Variants in STAT5B observed in about 807,000 individuals in gnomAD.
STAT5B encodes signal transducer and activator of transcription 5B.
Under a neutral mutation model 107.8 loss-of-function variants are expected in STAT5B, and 21 were observed. That is an observed-to-expected ratio of 0.19 (90% confidence interval 0.14 to 0.28). The LOEUF (loss-of-function observed/expected upper bound fraction) is 0.28, where lower values mean the gene tolerates loss of function less well. Ranked by LOEUF, STAT5B falls within the 10% of genes least tolerant of loss-of-function variation. STAT5B has a pLI of 1.00. For missense variants in STAT5B, 565 were observed against 1,008.2 expected, an observed-to-expected ratio of 0.56 and a Z score of 5.95; for synonymous variants, 325 against 401.7, an observed-to-expected ratio of 0.81 and a Z score of 2.28.
At chr17:42,253,249 T>A (rs2080514692) in intron 1 of STAT5B, among the ~76,000 whole-genome samples, 1 of 152,228 alleles carries the variant, frequency 6.6e-6, no homozygotes, top group African/African-American at 2.4e-5. Flanking sequence ...CAAGATGTAT[T>A]TCCATGTAGC....
intron 1 of STAT5B, among the ~76,000 whole-genome samples, chr17:42,244,622 A>G (rs911295214): frequency 2.6e-5 from 4 of 152,168 alleles, no homozygotes; most frequent in Non-Finnish European, 5.9e-5. Flanking sequence ...CATGTTACCA[A>G]TATTTTCCCT....
At chr17:42,220,648 A>G (rs543813710) in intron 5 of STAT5B, among the ~76,000 whole-genome samples, 1,283 of 150,832 alleles carry the variant, frequency 8.5e-3, no homozygotes, top group African/African-American at 0.03. Flanking sequence ...GAGGGAGAGC[A>G]TGTCCAGGGC....
At chr17:42,228,201 G>C (rs2080289841) in intron 2 of STAT5B, among the ~76,000 whole-genome samples, 1 of 152,204 alleles carries the variant, frequency 6.6e-6, no homozygotes, top group Non-Finnish European at 1.5e-5. Flanking sequence ...CTGGAAATGA[G>C]ACATTCAGGC....
chr17:42,210,095 C>A, intron 15 of STAT5B, 76 bp downstream of exon 15: 1 of 1,601,018 alleles, frequency 6.2e-7, no homozygotes, highest in Non-Finnish European at 8.5e-7. Flanking sequence ...ATAGTAAGTA[C>A]CCACTAAATT....
intron 1 of STAT5B, among the ~76,000 whole-genome samples, chr17:42,264,159 T>C (rs2080645471): frequency 6.6e-6 from 1 of 152,128 alleles, no homozygotes; most frequent in African/African-American, 2.4e-5. Context: ...ATTTTTCCAA[T>C]TTATTGCTAT....
rs1027951268 is a variant in STAT5B at position 42,245,279 on chromosome 17, T to C, written c.-10-13142A>G. ...TTTTAGTAGAGACAGGGTTTCACCATGTTGGCCAAGATGGTCTCGACCTCA... is the reference window on the plus strand; with the variant it reads ...TTTTAGTAGAGACAGGGTTTCACCACGTTGGCCAAGATGGTCTCGACCTCA... On this transcript the variant is annotated intron_variant, in intron 1 of 18. Transcript: ENST00000293328. Among the ~76,000 whole-genome samples the C allele has an allele frequency of 3.3e-5, 5 of 151,962 alleles. No individual in the cohort carries two copies. The East Asian group carries it at 9.7e-4, about 30-fold the overall frequency.
At chr17:42,256,039 C>G (rs12600584) in intron 1 of STAT5B, among the ~76,000 whole-genome samples, 54,384 of 151,902 alleles carry the variant, frequency 0.36, 10,938 homozygotes, top group African/African-American at 0.54. Flanking sequence ...AATGAGCTAA[C>G]CTCCAGCCTG....
chr17:42,220,151 C>T (rs1051899115), intron 5 of STAT5B, among the ~76,000 whole-genome samples: 6 of 152,226 alleles, frequency 3.9e-5, no homozygotes, highest in African/African-American at 9.6e-5. Context: ...GCCCTCTTCT[C>T]GCGGCCCAGC....
intron 1 of STAT5B, chr17:42,269,687 G>A (rs1335941456): frequency 2.6e-5 from 4 of 152,140 alleles, no homozygotes; most frequent in African/African-American, 9.7e-5. Context: ...TTTATACTCT[G>A]CACAGGGAAT....
intron 16 of STAT5B, among the ~76,000 whole-genome samples, chr17:42,203,991 C>T (rs2080066835): frequency 6.6e-6 from 1 of 152,102 alleles, no homozygotes; most frequent in Non-Finnish European, 1.5e-5. Flanking sequence ...GGCCTAGGCA[C>T]TGGAGAGCCG....
rs2080037241 is a variant in STAT5B at position 42,200,747 on chromosome 17, C to G, written c.*991G>C. 1 of 235,434 alleles carries G rather than the reference C, an allele frequency of 4.2e-6. No homozygotes were observed. Among genetic ancestry groups the G allele is most frequent in the Non-Finnish European group, 8.1e-6 (1 of 123,038 alleles). The allele number at this position is 235,434 out of a possible 1,614,324, so 14.6% of individuals were successfully genotyped here. A position where few individuals can be genotyped will look rare whatever the true frequency, so the allele number is the denominator to read the frequency against. On this transcript the variant is annotated 3_prime_UTR_variant, in exon 19 of 19. Transcript: ENST00000293328. ...AAACAAAAAAGATCCAACTTAGAAA[C>G]AGAACCATGATTCAACATTTGCAAA...
intron 1 of STAT5B, among the ~76,000 whole-genome samples, chr17:42,265,786 A>G (rs1190934159): frequency 2.6e-5 from 4 of 152,152 alleles, no homozygotes; most frequent in African/African-American, 2.4e-5. Flanking sequence ...TTATTTTTCA[A>G]TATTTTTAGT....
chr17:42,271,565 A>G (rs915275447), intron 1 of STAT5B: 4 of 134,108 alleles, frequency 3.0e-5, no homozygotes, highest in Non-Finnish European at 6.3e-5. Context: ...TTCATATTAG[A>G]AAAGTACAAA....
intron 12 of STAT5B, among the ~76,000 whole-genome samples, chr17:42,212,804 G>A (rs1003141593): frequency 6.6e-6 from 1 of 152,130 alleles, no homozygotes; most frequent in Admixed American, 6.5e-5. Flanking sequence ...TTTTCAATAG[G>A]TGATTTTCAC....
chr17:42,215,929 A>G (rs2080167976), intron 12 of STAT5B, 85 bp downstream of exon 12: 3 of 1,474,612 alleles, frequency 2.0e-6, no homozygotes, highest in Middle Eastern at 1.7e-4. Flanking sequence ...GCCTTTTCCT[A>G]TGCTTTTTAA....
chr17:42,255,394 T>C (rs1380234805), intron 1 of STAT5B, among the ~76,000 whole-genome samples: 2 of 152,216 alleles, frequency 1.3e-5, no homozygotes, highest in African/African-American at 4.8e-5. Flanking sequence ...TCCCTAGTGG[T>C]ATGCAACAAG....
At chr17:42,222,159 G>T (rs1312052922) in intron 5 of STAT5B, among the ~76,000 whole-genome samples, 1 of 143,662 alleles carries the variant, frequency 7.0e-6, no homozygotes, top group Non-Finnish European at 1.5e-5. Context: ...CTGTGTGTGT[G>T]ATGTGTGTGG....
intron 1 of STAT5B, among the ~76,000 whole-genome samples, chr17:42,233,318 C>T (rs528255048): frequency 1.3e-5 from 2 of 152,268 alleles, no homozygotes; most frequent in African/African-American, 4.8e-5. Context: ...ACAAAGAGCA[C>T]AGATTTATCT....
At chr17:42,207,863 G>A in intron 15 of STAT5B, 135 bp from the exon 16 acceptor site, 1 of 876,462 alleles carries the variant, frequency 1.1e-6, no homozygotes, top group South Asian at 1.6e-5. Flanking sequence ...AAATAACCAT[G>A]GGTTATAGAT....
Sources: allele counts gnomAD v4.1 joint callset (sites outside exome capture counted in the v4.1 genomes callset), GRCh38; gene constraint gnomAD v4.1.1; transcripts MANE v1.5; gene names NCBI Gene and HGNC (gene_info 2026-07-23, HGNC 2026-07-21).